Variants in TMC6 observed in about 807,000 individuals in gnomAD.
TMC6 encodes transmembrane channel like 6, also known as transmembrane channel-like protein 6.
In TMC6, 71 loss-of-function variants were observed where a neutral mutation model predicts 95.4. The observed-to-expected ratio is 0.74, with a 90% CI of 0.61 to 0.91. TMC6 has a LOEUF of 0.91. Among genes scored for constraint, TMC6 ranks in the 40% least tolerant of loss-of-function variants. TMC6 has a pLI of 0.00. For missense variants in TMC6, 1,074 were observed against 1,079.1 expected (o/e 1.00, Z 0.07); for synonymous variants, 514 against 483.1 (o/e 1.06, Z -0.84).
At position 78,125,759 on chromosome 17, in the gene TMC6, G is replaced by C. The variant is rs1364465830; in HGVS notation, c.397C>G (p.Leu133Val). The C allele has an allele frequency of 1.9e-6, 3 of 1,568,818 alleles. No individual in the cohort carries two copies. The South Asian group carries it at 3.5e-5, about 18-fold the overall frequency. ...SAWPSLRLYD[L>V]ELDPTALEEE... ...TCCAGGGCCGTGGGGTCCAGCTCCA[G>C]GTCGTACAGGCGGAGGCTGGGCCAG... Residue 133 changes from leucine to valine, a missense_variant, in exon 5 of 20, where the codon CTG becomes GTG. Leu to Val is a conservative substitution (Grantham distance 32). Coordinates refer to ENST00000590602, the MANE Select transcript of TMC6 (RefSeq NM_001127198.5).
intron 13 of TMC6, 136 bp from the exon 14 acceptor site, chr17:78,119,528 C>G (rs2074303576): frequency 1.1e-6 from 1 of 880,492 alleles, no homozygotes; most frequent in African/African-American, 1.7e-5. Context: ...CAAGAAGAGA[C>G]AGCCACCAGC....
Position 78,125,710 on chromosome 17 carries a change from G to A in TMC6, c.430+16C>T, listed in dbSNP as rs1272217600. 3.8e-6 allele frequency: 6 copies of A among 1,559,592 alleles called. No individual in the cohort carries two copies. Among genetic ancestry groups the A allele is most frequent in the Non-Finnish European group, 4.3e-6 (5 of 1,152,454 alleles). Reference sequence around the variant, plus strand: ...GCCGGTGTCCGCCACTGGGGCTCCAGTGCCCACTCACTCACCCTCCTCCTC... The same window carrying A: ...GCCGGTGTCCGCCACTGGGGCTCCAATGCCCACTCACTCACCCTCCTCCTC... On this transcript the variant is annotated intron_variant, in intron 5 of 19. Coordinates refer to ENST00000590602, the MANE Select transcript of TMC6 (RefSeq NM_001127198.5).
intron 18 of TMC6, among the ~76,000 whole-genome samples, chr17:78,114,879 C>G (rs763264498): frequency 6.6e-6 from 1 of 151,858 alleles, no homozygotes; most frequent in Non-Finnish European, 1.5e-5. Context: ...AGCCAGCATC[C>G]GCCTGGAGAA....
chr17:78,117,942 G>T lies in TMC6; in HGVS notation c.1888-7C>A. ...AGTTGGCCAGAAGGCTGGTCTGTGG[G>T]GAAAGGCTGCGCTCTGCCACCATCC... On this transcript the variant is annotated splice_polypyrimidine_tract_variant and splice_region_variant and intron_variant, in intron 15 of 19. Coordinates refer to ENST00000590602, the MANE Select transcript of TMC6 (RefSeq NM_001127198.5). The T allele has an allele frequency of 1.3e-6, 2 of 1,596,580 alleles. No homozygotes were observed. The highest frequency in any genetic ancestry group is 2.3e-5 in the East Asian group (1 of 44,306).
chr17:78,120,901 A>G, intron 12 of TMC6, 69 bp from the exon 13 acceptor site: 5 of 1,611,350 alleles, frequency 3.1e-6, no homozygotes, highest in Non-Finnish European at 4.2e-6. Context: ...CAGGGCCCCC[A>G]CCAGGGGCTT....
rs1282527397 is a variant in TMC6, at chr17:78,128,700, T to G, written c.-163A>C. Reference sequence around the variant, plus strand: ...CCGCCGGGAACTGAGGTCTCGGCTCTCCTTGCCAAGGGAGTGGCAAAGGGC... The same window carrying G: ...CCGCCGGGAACTGAGGTCTCGGCTCGCCTTGCCAAGGGAGTGGCAAAGGGC... On this transcript the variant is annotated 5_prime_UTR_variant, in exon 1 of 20. Transcript: ENST00000590602. The surrounding 1 kb of genome is among the most constrained non-coding windows in gnomAD (Gnocchi z 4.0). The G allele has an allele frequency of 6.8e-6, 1 of 146,458 alleles. No individual in the cohort carries two copies. Among genetic ancestry groups the G allele is most frequent in the African/African-American group, 2.6e-5 (1 of 38,868 alleles). 9.1% of individuals were successfully genotyped at this position (146,458 alleles called of 1,614,324 possible).
rs773363258 is a variant in TMC6, at chr17:78,121,700, G to A, written c.1239C>T (p.Ala413=). 18 of 1,587,202 alleles carry A rather than the reference G, an allele frequency of 1.1e-5. No homozygotes were observed. Among genetic ancestry groups the A allele is most frequent in the African/African-American group, 2.7e-5 (2 of 74,482 alleles). ...NIRTRLKELL[A]EWQLRHSPRS... ...TGGGGCTGTGCCGCAGCTGCCACTC[G>A]GCCAGCAGCTCCTGCAGGCGGCACC... Residue 413 remains alanine (A), a synonymous_variant, in exon 11 of 20, where the codon GCC becomes GCT. Coordinates refer to ENST00000590602, the MANE Select transcript of TMC6 (RefSeq NM_001127198.5). This position sits in a 1 kb window ranked among gnomAD's most constrained non-coding sequence, Gnocchi z 5.6.
At chr17:78,114,747 T>C (rs1367235220) in intron 18 of TMC6, among the ~76,000 whole-genome samples, 2 of 152,226 alleles carry the variant, frequency 1.3e-5, no homozygotes, top group African/African-American at 2.4e-5. Flanking sequence ...CCTAAGTAGC[T>C]TCTATCGAGT....
rs199765733 is a variant in TMC6 at position 78,113,538 on chromosome 17, G to A, written c.2354+10C>T. On this transcript the variant is annotated intron_variant, in intron 19 of 19. Transcript: ENST00000590602. ...CTCAGAGTGTCCCCAATCCCTCCACGGACCCTCACCTGCTCCTCTCCTCCC... is the reference window on the plus strand; with the variant it reads ...CTCAGAGTGTCCCCAATCCCTCCACAGACCCTCACCTGCTCCTCTCCTCCC... The A allele has an allele frequency of 9.0e-4, 1,458 of 1,613,782 alleles. 3 individuals are homozygous for A. Among genetic ancestry groups the A allele is most frequent in the Non-Finnish European group, 9.9e-4 (1,165 of 1,179,912 alleles).
upstream of TMC6, among the ~76,000 whole-genome samples, chr17:78,129,171 G>A (rs1032238925): frequency 3.3e-5 from 5 of 151,966 alleles, no homozygotes; most frequent in South Asian, 2.1e-4. The surrounding 1 kb of genome is among the most constrained non-coding windows in gnomAD (Gnocchi z 4.3). Context: ...GACCCCGGCG[G>A]GGGGAGCCTG....
Position 78,112,978 on chromosome 17 carries a change from G to A in TMC6, c.*170C>T, listed in dbSNP as rs1227998620. Reference sequence around the variant, plus strand: ...AGTCCCAGGCAGGGCAGAGTTCATTGGGGATGCCCAAGCCGGATTCACCCA... The same window carrying A: ...AGTCCCAGGCAGGGCAGAGTTCATTAGGGATGCCCAAGCCGGATTCACCCA... On this transcript the variant is annotated 3_prime_UTR_variant, in exon 20 of 20. Coordinates refer to ENST00000590602, the MANE Select transcript of TMC6 (RefSeq NM_001127198.5). 8 of 707,918 alleles carry A rather than the reference G, an allele frequency of 1.1e-5. No homozygotes were observed. In the Admixed American group the frequency reaches 1.4e-4, roughly 12 times the overall value. The allele number at this position is 707,918 out of a possible 1,614,324, so 43.9% of individuals were successfully genotyped here. A position where few individuals can be genotyped will look rare whatever the true frequency, so the allele number is the denominator to read the frequency against.
chr17:78,122,741 T>C lies in TMC6; in HGVS notation c.1091A>G (p.His364Arg). 1 of 1,609,640 alleles carries C rather than the reference T, an allele frequency of 6.2e-7. No individual in the cohort carries two copies. Among genetic ancestry groups the C allele is most frequent in the Non-Finnish European group, 8.5e-7 (1 of 1,178,778 alleles). Residue 364 changes from histidine to arginine, a missense_variant, in exon 10 of 20, where the codon CAC becomes CGC. By Grantham distance (29) the His-to-Arg change is conservative (BLOSUM62 0). Coordinates refer to ENST00000590602, the MANE Select transcript of TMC6 (RefSeq NM_001127198.5). The surrounding 1 kb of genome is among the most constrained non-coding windows in gnomAD (Gnocchi z 4.9). ...TCITLVYSMA[H>R]SFGESYRVGS... ...CACCCGGTAGCTCTCCCCGAAAGAG[T>C]GAGCCATGCTGGGGAGAAGCAGACA...
At chr17:78,120,866 GGT>G in intron 12 of TMC6, 34 bp from the exon 13 acceptor site, 1 of 1,610,318 alleles carries the variant, frequency 6.2e-7, no homozygotes, top group Non-Finnish European at 8.5e-7. Context: ...CTGAGGGGCG[GGT>G]ACAGGGGACA....
intron 16 of TMC6, 75 bp from the exon 17 acceptor site, chr17:78,117,719 ACCCCTAAG>A: frequency 6.4e-7 from 1 of 1,561,118 alleles, no homozygotes; most frequent in South Asian, 1.2e-5. Flanking sequence ...CGTCCTCTGC[ACCCCTAAG>A]CCTTGGGCCC....
upstream of TMC6, chr17:78,131,771 G>T (rs764428491): frequency 6.4e-7 from 1 of 1,562,026 alleles, no homozygotes; most frequent in East Asian, 2.3e-5. Context: ...CGGTGCGTGG[G>T]GGGGGTGCTG....
Position 78,121,799 on chromosome 17 carries a change from T to A in TMC6, c.1228-88A>T. ...CACAGCACAACACACACAACACACA[T>A]GAGACACACCAGGAGGCTTGAACCA... On this transcript the variant is annotated intron_variant, in intron 10 of 19. Transcript: ENST00000590602. The surrounding 1 kb of genome is among the most constrained non-coding windows in gnomAD (Gnocchi z 5.6). 1 of 1,468,514 alleles carries A rather than the reference T, an allele frequency of 6.8e-7. No homozygotes were observed. The highest frequency in any genetic ancestry group is 9.1e-7 in the Non-Finnish European group (1 of 1,102,888). 91.0% of individuals were successfully genotyped at this position (1,468,514 alleles called of 1,614,324 possible).
chr17:78,131,088 G>A (rs1329451934), upstream of TMC6: 3 of 205,060 alleles, frequency 1.5e-5, no homozygotes, highest in Non-Finnish European at 1.0e-5. Context: ...CGAGTCCCAG[G>A]AACTGTGGGG....
chr17:78,128,758 C>G (rs1338431319), upstream of TMC6: 4 of 116,108 alleles, frequency 3.4e-5, no homozygotes, highest in East Asian at 3.2e-4. The surrounding 1 kb of genome is among the most constrained non-coding windows in gnomAD (Gnocchi z 4.0). Context: ...GCAGGTCTGC[C>G]GGGGCCGGGG....
At position 78,120,509 on chromosome 17, in the gene TMC6, C is replaced by T. The variant is rs138840022; in HGVS notation, c.1715+144G>A. 89 of 1,263,076 alleles carry T rather than the reference C, an allele frequency of 7.0e-5. No homozygotes were observed. The African/African-American group carries it at 7.3e-4, about 10-fold the overall frequency. 78.2% of individuals were successfully genotyped at this position (1,263,076 alleles called of 1,614,324 possible). A position where few individuals can be genotyped will look rare whatever the true frequency, so the allele number is the denominator to read the frequency against. On this transcript the variant is annotated intron_variant, in intron 13 of 19. Transcript: ENST00000590602. ...TTCCTTTCCAATCTAAAAATGAGTT[C>T]GGTTCTATTTCCTGAGTCTTCCTCT...
Sources: gnomAD v4.1 joint callset for allele counts (sites outside exome capture counted in the v4.1 genomes callset) on GRCh38, gnomAD v4.1.1 for gene constraint, Gnocchi (gnomAD v3.1) non-coding constraint, MANE v1.5 for transcripts, NCBI Gene and HGNC (gene_info 2026-07-23, HGNC 2026-07-21) for gene names.